CHODL: variants seen among roughly 807,000 people sequenced by gnomAD.
CHODL encodes the protein chondrolectin, also known as transmembrane protein MT75.
A neutral mutation model predicts 34.5 loss-of-function variants in CHODL; 29 were observed. The ratio of observed to expected loss-of-function variants is 0.84; its 90% CI spans 0.63 to 1.15. CHODL has a LOEUF of 1.15. Among genes scored for constraint, CHODL ranks in the 50% most tolerant of loss-of-function variants. CHODL has a pLI of 0.00. For missense variants in CHODL, 332 were observed against 332.5 expected, an observed-to-expected ratio of 1.00 and a Z score of 0.01; for synonymous variants, 125 against 116.1, an observed-to-expected ratio of 1.08 and a Z score of -0.49.
At chr21:18,052,500 G>C (rs1457012377) in intron 2 of CHODL, among the ~76,000 whole-genome samples, 2 of 151,894 alleles carry the variant, frequency 1.3e-5, no homozygotes, top group Non-Finnish European at 2.9e-5. Flanking sequence ...TAGTTCCTTT[G>C]TTAAAAGTAT....
intron 1 of CHODL, among the ~76,000 whole-genome samples, chr21:17,947,997 T>C (rs2063425899): frequency 6.6e-6 from 1 of 152,176 alleles, no homozygotes; most frequent in South Asian, 2.1e-4. Flanking sequence ...ATGTGTCTTT[T>C]ACAGCAACAT....
At chr21:18,091,254 G>C (rs978550647) in intron 2 of CHODL, among the ~76,000 whole-genome samples, 12 of 152,192 alleles carry the variant, frequency 7.9e-5, no homozygotes, top group African/African-American at 2.9e-4. Context: ...GGGATCCCAG[G>C]TAAACCTGAA....
chr21:18,165,372 C>T (rs1392282995), intron 2 of CHODL, among the ~76,000 whole-genome samples: 1 of 152,134 alleles, frequency 6.6e-6, no homozygotes, highest in Non-Finnish European at 1.5e-5. Context: ...GATAATTTTG[C>T]CTCCTTTTAA....
At chr21:18,263,007 T>C (rs2074401420) in intron 5 of CHODL, 114 bp downstream of exon 5, 1 of 629,096 alleles carries the variant, frequency 1.6e-6, no homozygotes, top group African/African-American at 1.8e-5. Context: ...TAAGAAATCC[T>C]ATACATACAA....
intron 3 of CHODL, among the ~76,000 whole-genome samples, chr21:18,257,345 G>T (rs1476082037): frequency 6.6e-6 from 1 of 151,916 alleles, no homozygotes; most frequent in Non-Finnish European, 1.5e-5. Flanking sequence ...AAAAACAGCT[G>T]GAGAGATGTC....
At chr21:18,109,980 C>T (rs2065327070) in intron 2 of CHODL, among the ~76,000 whole-genome samples, 1 of 152,152 alleles carries the variant, frequency 6.6e-6, no homozygotes, top group South Asian at 2.1e-4. Context: ...GTTATACCTA[C>T]AAAGCCAACA....
intron 1 of CHODL, among the ~76,000 whole-genome samples, chr21:17,982,814 T>G (rs939879845): frequency 6.7e-6 from 1 of 150,296 alleles, no homozygotes; most frequent in Non-Finnish European, 1.5e-5. Flanking sequence ...TTCATGTGAT[T>G]CTCCTGCCTC....
Position 17,963,085 on chromosome 21 carries a change from T to A in CHODL, c.-145+45685T>A, listed in dbSNP as rs1297764390. On this transcript the variant is annotated intron_variant, in intron 1 of 6. Coordinates refer to the CHODL transcript ENST00000400127. The stretch of plus-strand genomic sequence containing the variant: ...TCTCAAAAAAAAAAAATAATAATAA[T>A]AATAATAATAACTTCCTTCATGGAA... 5.6e-3 allele frequency among the ~76,000 whole-genome samples: 846 copies of A among 150,072 alleles called. 17 individuals are homozygous for A. The highest frequency in any genetic ancestry group is 0.02 in the African/African-American group (800 of 40,568).
chr21:17,968,640 C>T (rs1004347992), intron 1 of CHODL, among the ~76,000 whole-genome samples: 2 of 152,110 alleles, frequency 1.3e-5, no homozygotes, highest in Non-Finnish European at 2.9e-5. Flanking sequence ...TCTTCCAATT[C>T]CCCTTCCCTC....
chr21:18,126,748 TTAAG>T (rs1227175865), intron 2 of CHODL, among the ~76,000 whole-genome samples: 1 of 152,172 alleles, frequency 6.6e-6, no homozygotes, highest in Non-Finnish European at 1.5e-5. Flanking sequence ...CTTTCATAAA[TTAAG>T]AGGATTATTA....
intron 2 of CHODL, among the ~76,000 whole-genome samples, chr21:18,041,908 C>T (rs1177543612): frequency 6.6e-6 from 1 of 151,730 alleles, no homozygotes; most frequent in Non-Finnish European, 1.5e-5. Flanking sequence ...TTAGCAATAA[C>T]TATATGAGAA....
chr21:18,248,941 T>G lies in CHODL; in HGVS notation c.79+3639T>G, dbSNP rs2074193788. Reference sequence around the variant, plus strand: ...CATATATATGTATACATATATATTATGTATACATATATATGTAATATATAC... The same window carrying G: ...CATATATATGTATACATATATATTAGGTATACATATATATGTAATATATAC... On this transcript the variant is annotated intron_variant, in intron 1 of 5. Transcript: ENST00000299295. 1.8e-5 allele frequency among the ~76,000 whole-genome samples: 2 copies of G among 109,908 alleles called. 1 individual carries two copies. The highest frequency in any genetic ancestry group is 2.1e-4 in the Admixed American group (2 of 9,448). 72.1% of individuals were successfully genotyped at this position (109,908 alleles called of 152,430 possible).
upstream of CHODL, among the ~76,000 whole-genome samples, chr21:18,240,653 T>G (rs1357513272): frequency 6.6e-6 from 1 of 152,158 alleles, no homozygotes; most frequent in African/African-American, 2.4e-5. Context: ...AATTAAGCTG[T>G]GATTAGAATA....
chr21:17,974,011 A>G (rs2063641051), intron 1 of CHODL, among the ~76,000 whole-genome samples: 1 of 152,136 alleles, frequency 6.6e-6, no homozygotes, highest in African/African-American at 2.4e-5. Context: ...AAAAATGACA[A>G]TGGCTTATCT....
intron 2 of CHODL, among the ~76,000 whole-genome samples, chr21:18,193,712 A>AAAAT (rs199894126): frequency 0.1 from 14,413 of 139,160 alleles, 1,243 homozygotes; most frequent in East Asian, 0.33. Context: ...AAAAAAAAAT[A>AAAAT]AAATAAATAA....
intron 1 of CHODL, among the ~76,000 whole-genome samples, chr21:17,973,728 A>G (rs2146365548): frequency 1.3e-5 from 2 of 150,866 alleles, no homozygotes; most frequent in Middle Eastern, 3.4e-3. Flanking sequence ...ACTGCTATGC[A>G]TTCTCTAAGG....
At chr21:18,190,749 CT>C (rs1178707803) in intron 2 of CHODL, among the ~76,000 whole-genome samples, 1 of 152,110 alleles carries the variant, frequency 6.6e-6, no homozygotes, top group Non-Finnish European at 1.5e-5. Context: ...GTATAGCAAT[CT>C]GATAAAAACA....
At chr21:18,055,162 C>T (rs1431116941) in intron 2 of CHODL, among the ~76,000 whole-genome samples, 1 of 152,000 alleles carries the variant, frequency 6.6e-6, no homozygotes, top group East Asian at 1.9e-4. Context: ...GTGTTCCCTC[C>T]ATTTCTTAAT....
At chr21:18,036,778 A>G (rs1004293954) in intron 2 of CHODL, among the ~76,000 whole-genome samples, 5 of 151,940 alleles carry the variant, frequency 3.3e-5, no homozygotes, top group Non-Finnish European at 7.4e-5. Flanking sequence ...TTGGGCAGAT[A>G]TGAGTGACTT....
Sources: gnomAD v4.1 joint callset for allele counts (sites outside exome capture counted in the v4.1 genomes callset) on GRCh38, gnomAD v4.1.1 for gene constraint, MANE v1.5 for transcripts, NCBI Gene and HGNC (gene_info 2026-07-23, HGNC 2026-07-21) for gene names.